Variants in HSPA6 observed in about 807,000 individuals in gnomAD.
HSPA6 encodes heat shock 70 kDa protein 6.
For synonymous variants in HSPA6, 312 were observed against 368.2 expected (o/e 0.85, Z 1.75); for missense variants, 718 against 860.9 (o/e 0.83, Z 2.08).
chr1:161,525,251 T>C lies in HSPA6; in HGVS notation c.593T>C (p.Leu198Pro), dbSNP rs752677365. The change falls in exon 1 of 1, where the codon CTC becomes CCC. Residue 198 changes from leucine to proline, a missense_variant. By Grantham distance (98) the Leu-to-Pro change is moderately conservative. Coordinates refer to ENST00000309758, the MANE Select transcript of HSPA6 (RefSeq NM_002155.5). ...DRRGAGERNV[L>P]IFDLGGGTFD... is the part of the protein sequence containing the mutation. ...CGGGGCGCGGGAGAGCGCAACGTGC[T>C]CATTTTTGACCTGGGTGGGGGCACC... 2 of 1,613,994 alleles carry C rather than the reference T, an allele frequency of 1.2e-6. No individual in the cohort carries two copies. The highest frequency in any genetic ancestry group is 1.1e-5 in the South Asian group (1 of 91,042).
In HSPA6 at chr1:161,524,647, G is replaced by A. The variant is rs927993896; in HGVS notation, c.-12G>A. ...CTCCGTGGCCTCCAGCATCCGACAA[G>A]AAGCTTCAGCCATGCAGGCCCCACG... On this transcript the variant is annotated 5_prime_UTR_variant, in exon 1 of 1. Coordinates refer to ENST00000309758, the MANE Select transcript of HSPA6 (RefSeq NM_002155.5). 5.3e-6 allele frequency: 7 copies of A among 1,328,322 alleles called. No individual in the cohort carries two copies. In the Admixed American group the frequency reaches 6.9e-5, roughly 13 times the overall value. 82.3% of individuals were successfully genotyped at this position (1,328,322 alleles called of 1,614,324 possible). A position where few individuals can be genotyped will look rare whatever the true frequency, so the allele number is the denominator to read the frequency against.
rs369466542 is a variant in HSPA6 at position 161,525,002 on chromosome 1, C to T, written c.344C>T (p.Thr115Met). Residue 115 changes from threonine (T) to methionine (M), a missense_variant, in exon 1 of 1, where the codon ACG becomes ATG. Physicochemically the swap from Thr to Met is moderately conservative, Grantham distance 81 (BLOSUM62 -1). Transcript: ENST00000309758. ...GTATGCTACCGCGGGGAGGACAAGA[C>T]GTTCTACCCCGAGGAGATCTCGTCC... ...VRVCYRGEDKTFYPEEISSMV... is the reference protein window; with the variant it reads ...VRVCYRGEDKMFYPEEISSMV... 34 of 1,612,838 alleles carry T rather than the reference C, an allele frequency of 2.1e-5. 1 individual carries two copies. The highest frequency in any genetic ancestry group is 2.8e-5 in the Non-Finnish European group (33 of 1,179,768).
Position 161,525,197 on chromosome 1 carries a change from C to G in HSPA6, c.539C>G (p.Ala180Gly). 6.2e-7 allele frequency: 1 copy of G among 1,614,022 alleles called. No homozygotes were observed. Among genetic ancestry groups the G allele is most frequent in the Middle Eastern group, 1.6e-4 (1 of 6,062 alleles). The change falls in exon 1 of 1, where the codon GCA becomes GGA. Residue 180 changes from alanine (A) to glycine (G), a missense_variant. Transcript: ENST00000309758. ...TTGCGGATCATCAATGAGCCCACGG[C>G]AGCTGCCATCGCCTATGGGCTGGAC... ...NVLRIINEPT[A>G]AAIAYGLDRR... is the part of the protein sequence containing the mutation.
rs751218715 is a variant in HSPA6 at position 161,525,375 on chromosome 1, C to G, written c.717C>G (p.Leu239=). 2 of 1,612,328 alleles carry G rather than the reference C, an allele frequency of 1.2e-6. No homozygotes were observed. Among genetic ancestry groups the G allele is most frequent in the Non-Finnish European group, 1.7e-6 (2 of 1,179,168 alleles). ...HLGGEDFDNR[L]VNHFMEEFRR... ...GAGGAGAGGACTTCGACAACCGGCTCGTGAACCACTTCATGGAAGAATTCC... is the reference window on the plus strand; with the variant it reads ...GAGGAGAGGACTTCGACAACCGGCTGGTGAACCACTTCATGGAAGAATTCC... The change falls in exon 1 of 1, where the codon CTC becomes CTG. Residue 239 remains leucine (L), a synonymous_variant. Transcript: ENST00000309758.
chr1:161,525,587 A>T lies in HSPA6; in HGVS notation c.929A>T (p.Asp310Val), dbSNP rs1571998222. The T allele has an allele frequency of 1.9e-6, 3 of 1,613,272 alleles. No homozygotes were observed. Among genetic ancestry groups the T allele is most frequent in the Non-Finnish European group, 2.5e-6 (3 of 1,179,636 alleles). Residue 310 changes from aspartate to valine, a missense_variant, in exon 1 of 1, where the codon GAC (aspartate) becomes GTC (valine). Asp to Val is a radical substitution (Grantham distance 152). Coordinates refer to ENST00000309758, the MANE Select transcript of HSPA6 (RefSeq NM_002155.5). ...TRARFEELCS[D>V]LFRSTLEPVE... ...GCCCGCTTTGAGGAACTGTGCTCAG[A>T]CCTCTTCCGCAGCACCCTGGAGCCG...
At position 161,526,231 on chromosome 1, in the gene HSPA6, G is replaced by T; in HGVS notation, c.1573G>T (p.Glu525Ter). Residue 525 changes from glutamate to a stop codon, truncating the protein, a stop_gained, in exon 1 of 1, where the codon GAG becomes TAG. Transcript: ENST00000309758. LOFTEE classifies it low-confidence loss of function (END_TRUNC). ...GGTGGAGAGGATGGTTCATGAAGCCGAGCAGTACAAGGCTGAGGATGAGGC... is the reference window on the plus strand; with the variant it reads ...GGTGGAGAGGATGGTTCATGAAGCCTAGCAGTACAAGGCTGAGGATGAGGC... Reference protein sequence around the residue: ...EEVERMVHEAEQYKAEDEAQR... With the variant: ...EEVERMVHEA 3 of 1,613,918 alleles carry T rather than the reference G, an allele frequency of 1.9e-6. No individual in the cohort carries two copies. Among genetic ancestry groups the T allele is most frequent in the Admixed American group, 3.3e-5 (2 of 59,998 alleles).
chr1:161,525,832 G>T lies in HSPA6; in HGVS notation c.1174G>T (p.Asp392Tyr). 6.3e-7 allele frequency: 1 copy of T among 1,594,210 alleles called. No individual in the cohort carries two copies. Among genetic ancestry groups the T allele is most frequent in the Non-Finnish European group, 8.6e-7 (1 of 1,167,964 alleles). The change falls in exon 1 of 1, where the codon GAT (aspartate) becomes TAT (tyrosine). Residue 392 changes from aspartate to tyrosine, a missense_variant. Physicochemically the swap from Asp to Tyr is radical, Grantham distance 160. Coordinates refer to ENST00000309758, the MANE Select transcript of HSPA6 (RefSeq NM_002155.5). Reference sequence around the variant, plus strand: ...GGGGGACAAATGTGAGAAAGTGCAGGATCTCCTGCTGCTGGATGTGGCTCC... The same window carrying T: ...GGGGGACAAATGTGAGAAAGTGCAGTATCTCCTGCTGCTGGATGTGGCTCC... Reference protein sequence around the residue: ...LMGDKCEKVQDLLLLDVAPLS... With the variant: ...LMGDKCEKVQYLLLLDVAPLS...
chr1:161,525,279 C>T lies in HSPA6; in HGVS notation c.621C>T (p.Phe207=), dbSNP rs750293215. Reference sequence around the variant, plus strand: ...TTTTTGACCTGGGTGGGGGCACCTTCGATGTGTCGGTTCTCTCCATTGACG... The same window carrying T: ...TTTTTGACCTGGGTGGGGGCACCTTTGATGTGTCGGTTCTCTCCATTGACG... ...VLIFDLGGGT[F]DVSVLSIDAG... The change falls in exon 1 of 1, where the codon TTC becomes TTT. Residue 207 remains phenylalanine, a synonymous_variant. Coordinates refer to ENST00000309758, the MANE Select transcript of HSPA6 (RefSeq NM_002155.5). The T allele has an allele frequency of 3.1e-6, 5 of 1,613,920 alleles. No homozygotes were observed. In the East Asian group the frequency reaches 6.7e-5, roughly 22 times the overall value.
In HSPA6 at chr1:161,526,390, G is replaced by T. The variant is rs1251201961; in HGVS notation, c.1732G>T (p.Glu578Ter). The T allele has an allele frequency of 2.5e-6, 4 of 1,596,950 alleles. No individual in the cohort carries two copies. Among genetic ancestry groups the T allele is most frequent in the South Asian group, 2.2e-5 (2 of 89,060 alleles). Residue 578 changes from glutamate (E) to a stop codon, truncating the protein, a stop_gained, in exon 1 of 1, where the codon GAA (glutamate) becomes TAA (stop). Transcript: ENST00000309758. LOFTEE classifies it low-confidence loss of function (END_TRUNC). The part of the protein sequence containing the change: ...DRRKMQDKCR[E>*]VLAWLEHNQL... ...GCGCAAAATGCAAGACAAGTGTCGG[G>T]AAGTCCTTGCCTGGCTGGAGCACAA...
rs577751772 is a variant in HSPA6, at chr1:161,525,517, G to T, written c.859G>T (p.Asp287Tyr). Residue 287 changes from aspartate (D) to tyrosine (Y), a missense_variant, in exon 1 of 1, where the codon GAC becomes TAC. By Grantham distance (160) the Asp-to-Tyr change is radical. Transcript: ENST00000309758. ...CAGCACCCAGGCCACCCTGGAGATA[G>T]ACTCCCTGTTCGAGGGCGTGGACTT... ...SSSTQATLEI[D>Y]SLFEGVDFYT... is the part of the protein sequence containing the mutation. 1.2e-6 allele frequency: 2 copies of T among 1,613,590 alleles called. No homozygotes were observed. The highest frequency in any genetic ancestry group is 2.2e-5 in the East Asian group (1 of 44,876).
Position 161,524,892 on chromosome 1 carries a change from C to G in HSPA6, c.234C>G (p.Arg78=), listed in dbSNP as rs756689494. ...TVFDAKRLIG[R]KFADTTVQSD... is the part of the protein sequence containing the mutation. ...TCGATGCCAAGCGGCTGATCGGGCG[C>G]AAGTTCGCGGACACCACGGTGCAGT... The change falls in exon 1 of 1, where the codon CGC becomes CGG. Residue 78 remains arginine, a synonymous_variant. Transcript: ENST00000309758. 6.8e-6 allele frequency: 11 copies of G among 1,613,046 alleles called. No individual in the cohort carries two copies. Among genetic ancestry groups the G allele is most frequent in the Non-Finnish European group, 9.3e-6 (11 of 1,179,782 alleles).
chr1:161,525,870 G>A lies in HSPA6; in HGVS notation c.1212G>A (p.Gly404=), dbSNP rs993097933. 1.9e-6 allele frequency: 3 copies of A among 1,592,514 alleles called. No homozygotes were observed. In the African/African-American group the frequency reaches 4.0e-5, roughly 21 times the overall value. The change falls in exon 1 of 1, where the codon GGG becomes GGA. Residue 404 remains glycine (G), a synonymous_variant. Coordinates refer to ENST00000309758, the MANE Select transcript of HSPA6 (RefSeq NM_002155.5). ...TGGATGTGGCTCCCCTGTCTCTGGG[G>A]CTGGAGACAGCAGGTGGGGTGATGA... The part of the protein sequence containing the change: ...LLLDVAPLSL[G]LETAGGVMTT...
Position 161,525,479 on chromosome 1 carries a change from G to C in HSPA6, c.821G>C (p.Arg274Pro). 6.2e-7 allele frequency: 1 copy of C among 1,613,410 alleles called. No individual in the cohort carries two copies. Among genetic ancestry groups the C allele is most frequent in the African/African-American group, 1.3e-5 (1 of 75,018 alleles). Residue 274 changes from arginine to proline, a missense_variant, in exon 1 of 1, where the codon CGC becomes CCC. Arg to Pro is a moderately radical substitution (Grantham distance 103). Coordinates refer to ENST00000309758, the MANE Select transcript of HSPA6 (RefSeq NM_002155.5). ...CGCACAGCCTGTGAGCGCGCCAAGC[G>C]CACCCTGTCCTCCAGCACCCAGGCC... ...RLRTACERAK[R>P]TLSSSTQATL...
In HSPA6 at chr1:161,525,234, G is replaced by A. The variant is rs528647804; in HGVS notation, c.576G>A (p.Ala192=). 2 of 1,614,008 alleles carry A rather than the reference G, an allele frequency of 1.2e-6. No individual in the cohort carries two copies. The highest frequency in any genetic ancestry group is 1.3e-5 in the African/African-American group (1 of 75,034). Residue 192 remains alanine, a synonymous_variant, in exon 1 of 1, where the codon GCG becomes GCA. Transcript: ENST00000309758. ...AIAYGLDRRG[A]GERNVLIFDL... is the part of the protein sequence containing the mutation. ...CCTATGGGCTGGACCGGCGGGGCGCGGGAGAGCGCAACGTGCTCATTTTTG... is the reference window on the plus strand; with the variant it reads ...CCTATGGGCTGGACCGGCGGGGCGCAGGAGAGCGCAACGTGCTCATTTTTG...
chr1:161,525,207 C>G lies in HSPA6; in HGVS notation c.549C>G (p.Ile183Met). ...RIINEPTAAA[I>M]AYGLDRRGAG... is the part of the protein sequence containing the mutation. Reference sequence around the variant, plus strand: ...TCAATGAGCCCACGGCAGCTGCCATCGCCTATGGGCTGGACCGGCGGGGCG... The same window carrying G: ...TCAATGAGCCCACGGCAGCTGCCATGGCCTATGGGCTGGACCGGCGGGGCG... The change falls in exon 1 of 1, where the codon ATC becomes ATG. Residue 183 changes from isoleucine to methionine, a missense_variant. By Grantham distance (10) the Ile-to-Met change is conservative. Transcript: ENST00000309758. The G allele has an allele frequency of 6.2e-7, 1 of 1,614,018 alleles. No homozygotes were observed. The highest frequency in any genetic ancestry group is 8.5e-7 in the Non-Finnish European group (1 of 1,179,954).
chr1:161,526,518 G>T lies in HSPA6; in HGVS notation c.1860G>T (p.Gly620=), dbSNP rs760443912. 3.1e-6 allele frequency: 5 copies of T among 1,600,886 alleles called. No homozygotes were observed. The highest frequency in any genetic ancestry group is 4.3e-6 in the Non-Finnish European group (5 of 1,171,712). The stretch of plus-strand genomic sequence containing the variant: ...TCTATGGGGGGCCTGGTGTCCCTGG[G>T]GGCAGCAGTTGTGGCACTCAAGCCC... ...SRLYGGPGVP[G]GSSCGTQARQ... Residue 620 remains glycine, a synonymous_variant, in exon 1 of 1, where the codon GGG becomes GGT. Coordinates refer to ENST00000309758, the MANE Select transcript of HSPA6 (RefSeq NM_002155.5).
At position 161,526,684 on chromosome 1, in the gene HSPA6, T is replaced by C; in HGVS notation, c.*94T>C. 2.3e-6 allele frequency: 3 copies of C among 1,326,514 alleles called. No individual in the cohort carries two copies. The highest frequency in any genetic ancestry group is 1.9e-5 in the South Asian group (1 of 51,954). The allele number at this position is 1,326,514 out of a possible 1,614,324, so 82.2% of individuals were successfully genotyped here. A position where few individuals can be genotyped will look rare whatever the true frequency, so the allele number is the denominator to read the frequency against. On this transcript the variant is annotated 3_prime_UTR_variant, in exon 1 of 1. Coordinates refer to ENST00000309758, the MANE Select transcript of HSPA6 (RefSeq NM_002155.5). ...TGATCCTGCCCTTCAGAGATGAACT[T>C]TCCCTCCAAAGCTAGAACTTTCTTC... is the stretch of plus-strand genomic sequence containing the variant.
rs1304112713 is a variant in HSPA6 at position 161,526,120 on chromosome 1, C to T, written c.1462C>T (p.Leu488=). The stretch of plus-strand genomic sequence containing the variant: ...TTTTGACATTGATGCTAATGGCATC[C>T]TGAGCGTGACAGCCACTGACAGGAG... ...VTFDIDANGI[L]SVTATDRSTG... The change falls in exon 1 of 1, where the codon CTG becomes TTG. Residue 488 remains leucine (L), a synonymous_variant. Transcript: ENST00000309758. 1.2e-6 allele frequency: 2 copies of T among 1,613,608 alleles called. No homozygotes were observed. The highest frequency in any genetic ancestry group is 8.5e-7 in the Non-Finnish European group (1 of 1,179,810).
rs1325833858 is a variant in HSPA6, at chr1:161,526,623, C to A, written c.*33C>A. 25 of 1,487,560 alleles carry A rather than the reference C, an allele frequency of 1.7e-5. No homozygotes were observed. The highest frequency in any genetic ancestry group is 2.2e-5 in the Non-Finnish European group (25 of 1,111,610). The allele number at this position is 1,487,560 out of a possible 1,614,324, so 92.1% of individuals were successfully genotyped here. A position where few individuals can be genotyped will look rare whatever the true frequency, so the allele number is the denominator to read the frequency against. On this transcript the variant is annotated 3_prime_UTR_variant, in exon 1 of 1. Coordinates refer to ENST00000309758, the MANE Select transcript of HSPA6 (RefSeq NM_002155.5). ...TTCGTGATAAGTCAGCTGTGACTGT[C>A]AGGGCTATGCTATGGGCCTTCTAGA...
Sources: allele counts gnomAD v4.1 joint callset, GRCh38; gene constraint gnomAD v4.1.1; transcripts MANE v1.5; gene names NCBI Gene and HGNC (gene_info 2026-07-23, HGNC 2026-07-21).